Variants in GALNT18 observed in about 807,000 individuals in gnomAD.
The protein encoded by GALNT18 is GalNAc-transferase 18.
In GALNT18, 44 loss-of-function variants were observed where a neutral mutation model predicts 69.5. The ratio of observed to expected loss-of-function variants is 0.63; its 90% confidence interval spans 0.50 to 0.81. GALNT18 has a LOEUF of 0.81. Ranked by LOEUF, GALNT18 falls within the 40% of genes least tolerant of loss-of-function variation. The probability of loss-of-function intolerance (pLI) is 0.00; values close to 1 mark genes in which losing one functional copy is unlikely to be tolerated. For synonymous variants in GALNT18, 364 were observed against 318.2 expected, an observed-to-expected ratio of 1.14 and a Z score of -1.53; for missense variants, 715 against 810.0, an observed-to-expected ratio of 0.88 and a Z score of 1.42.
At chr11:11,534,387 G>A (rs1301377249) in intron 1 of GALNT18, among the ~76,000 whole-genome samples, 1 of 152,240 alleles carries the variant, frequency 6.6e-6, no homozygotes, top group Admixed American at 6.5e-5. Context: ...CAGCCATTTT[G>A]TCTCACTCTT....
intron 6 of GALNT18, among the ~76,000 whole-genome samples, chr11:11,358,169 T>C (rs1057300518): frequency 9.9e-6 from 1 of 101,348 alleles, no homozygotes; most frequent in East Asian, 2.0e-4. Flanking sequence ...TACCTCAAAG[T>C]TTTTTCTTTC....
At position 11,415,145 on chromosome 11, in the gene GALNT18, T is replaced by G. The variant is rs929156364; in HGVS notation, c.595+17476A>C. Among the ~76,000 whole-genome samples the G allele has an allele frequency of 2.0e-5, 3 of 152,212 alleles. No individual in the cohort carries two copies. The highest frequency in any genetic ancestry group is 7.2e-5 in the African/African-American group (3 of 41,448). Reference sequence around the variant, plus strand: ...CTCAGGCCACCAGAGTACATCTCTGTGACTTCCCCTTCTGCCATCAGCTAG... The same window carrying G: ...CTCAGGCCACCAGAGTACATCTCTGGGACTTCCCCTTCTGCCATCAGCTAG... On this transcript the variant is annotated intron_variant, in intron 3 of 10. Transcript: ENST00000227756. This position sits in a 1 kb window ranked among gnomAD's most constrained non-coding sequence, Gnocchi z 4.1.
intron 1 of GALNT18, among the ~76,000 whole-genome samples, chr11:11,521,138 C>T (rs1268743947): frequency 4.0e-5 from 6 of 151,564 alleles, no homozygotes; most frequent in Non-Finnish European, 5.9e-5. Flanking sequence ...TCCTTTCCAC[C>T]CAAGGCCCAC....
chr11:11,427,756 T>A (rs995501644), intron 3 of GALNT18, among the ~76,000 whole-genome samples: 2 of 152,214 alleles, frequency 1.3e-5, no homozygotes, highest in Non-Finnish European at 2.9e-5. Flanking sequence ...TCAGCTGTTG[T>A]CATGATTATT....
At chr11:11,615,452 C>T (rs748392510) in intron 1 of GALNT18, among the ~76,000 whole-genome samples, 1 of 152,022 alleles carries the variant, frequency 6.6e-6, no homozygotes, top group Non-Finnish European at 1.5e-5. Context: ...AGTAAGATAA[C>T]GGATTTAGAA....
At chr11:11,274,430 G>A (rs193256934) in intron 10 of GALNT18, among the ~76,000 whole-genome samples, 40 of 152,322 alleles carry the variant, frequency 2.6e-4, no homozygotes, top group African/African-American at 7.9e-4. Context: ...CCCAGCAAGC[G>A]AAAATCCACT....
intron 1 of GALNT18, among the ~76,000 whole-genome samples, chr11:11,599,046 T>C (rs1186774601): frequency 6.6e-6 from 1 of 152,100 alleles, no homozygotes; most frequent in African/African-American, 2.4e-5. Context: ...CCATATATGC[T>C]TGAAAAAAAT....
At chr11:11,288,831 A>C (rs1418357855) in intron 10 of GALNT18, among the ~76,000 whole-genome samples, 2 of 151,620 alleles carry the variant, frequency 1.3e-5, no homozygotes, top group African/African-American at 4.9e-5. Flanking sequence ...ATGGAACACT[A>C]AGATATGCAA....
chr11:11,497,807 T>C lies in GALNT18; in HGVS notation c.236-48871A>G, dbSNP rs1370625460. On this transcript the variant is annotated intron_variant, in intron 1 of 10. Transcript: ENST00000227756. The surrounding 1 kb of genome is among the most constrained non-coding windows in gnomAD (Gnocchi z 4.2). ...ATACACACAAACCATAAACACTATT[T>C]CAACTTAAAATATTTCATGCTAATA... is the stretch of plus-strand genomic sequence containing the variant. 2.0e-5 allele frequency among the ~76,000 whole-genome samples: 3 copies of C among 151,720 alleles called. No homozygotes were observed.
At chr11:11,558,822 AAAT>A (rs1404287692) in intron 1 of GALNT18, among the ~76,000 whole-genome samples, 1 of 152,190 alleles carries the variant, frequency 6.6e-6, no homozygotes, top group African/African-American at 2.4e-5. Context: ...TTTATAGAGA[AAAT>A]AATATCTGCA....
chr11:11,336,050 A>T (rs1850106072), intron 7 of GALNT18, among the ~76,000 whole-genome samples: 1 of 152,208 alleles, frequency 6.6e-6, no homozygotes, highest in Non-Finnish European at 1.5e-5. Flanking sequence ...GCAGCCACAT[A>T]GTCACAAAAT....
chr11:11,450,934 C>T (rs563766434), intron 1 of GALNT18, among the ~76,000 whole-genome samples: 2 of 152,170 alleles, frequency 1.3e-5, no homozygotes, highest in East Asian at 1.9e-4. Flanking sequence ...TCCCACTATG[C>T]TATACAGCCT....
chr11:11,617,951 C>T lies in GALNT18; in HGVS notation c.235+3408G>A, dbSNP rs998140238. ...TTTTTTTAAAAACTCATAAGTTATC[C>T]ACCCTCTCATTTAACGTCTATTTGG... On this transcript the variant is annotated intron_variant, in intron 1 of 10. Coordinates refer to ENST00000227756, the MANE Select transcript of GALNT18 (RefSeq NM_198516.3). This position sits in a 1 kb window ranked among gnomAD's most constrained non-coding sequence, Gnocchi z 4.7. Among the ~76,000 whole-genome samples, 4 of 152,128 alleles carry T rather than the reference C, an allele frequency of 2.6e-5. No individual in the cohort carries two copies. The highest frequency in any genetic ancestry group is 2.1e-4 in the South Asian group (1 of 4,820).
chr11:11,366,784 C>A (rs1313602511), intron 6 of GALNT18, among the ~76,000 whole-genome samples: 2 of 152,144 alleles, frequency 1.3e-5, no homozygotes, highest in Non-Finnish European at 2.9e-5. Flanking sequence ...TGTGTCCACA[C>A]CTTCTTTGCT....
chr11:11,401,557 A>G (rs1397484421), intron 3 of GALNT18, among the ~76,000 whole-genome samples: 1 of 152,224 alleles, frequency 6.6e-6, no homozygotes, highest in South Asian at 2.1e-4. Flanking sequence ...CATCCTGAGC[A>G]TACACTCATC....
In GALNT18 at chr11:11,339,245, C is replaced by T. The variant is rs1850161299; in HGVS notation, c.1278+1574G>A. 6.6e-6 allele frequency among the ~76,000 whole-genome samples: 1 copy of T among 152,120 alleles called. No homozygotes were observed. Among genetic ancestry groups the T allele is most frequent in the Non-Finnish European group, 1.5e-5 (1 of 68,030 alleles). ...CTGTCTTGTGTTCACTTCCCCCTACCCATTTGATTTGAACTACCACCTTGA... is the reference window on the plus strand; with the variant it reads ...CTGTCTTGTGTTCACTTCCCCCTACTCATTTGATTTGAACTACCACCTTGA... On this transcript the variant is annotated intron_variant, in intron 7 of 10. Transcript: ENST00000227756. The surrounding 1 kb of genome is among the most constrained non-coding windows in gnomAD (Gnocchi z 5.2).
intron 1 of GALNT18, among the ~76,000 whole-genome samples, chr11:11,554,077 G>A (rs1858268605): frequency 6.6e-6 from 1 of 152,336 alleles, no homozygotes; most frequent in South Asian, 2.1e-4. Flanking sequence ...ATCTTCTGTT[G>A]AGTGATGCGT....
At chr11:11,509,125 T>C (rs11021882) in intron 1 of GALNT18, among the ~76,000 whole-genome samples, 79,163 of 151,808 alleles carry the variant, frequency 0.52, 23,274 homozygotes, top group Non-Finnish European at 0.66. Context: ...TTGAATGCCC[T>C]GATTCTCATC....
intron 3 of GALNT18, among the ~76,000 whole-genome samples, chr11:11,416,488 T>C (rs1444642243): frequency 1.3e-5 from 2 of 152,172 alleles, no homozygotes; most frequent in Non-Finnish European, 2.9e-5. Flanking sequence ...ATGGAGCTCA[T>C]GTAAACTCTG....
Sources: gnomAD v4.1 joint callset for allele counts (sites outside exome capture counted in the v4.1 genomes callset) on GRCh38, gnomAD v4.1.1 for gene constraint, Gnocchi (gnomAD v3.1) non-coding constraint, MANE v1.5 for transcripts, NCBI Gene and HGNC (gene_info 2026-07-23, HGNC 2026-07-21) for gene names.